The following DOCK9 variants were observed in gnomAD, a reference collection of about 807,000 sequenced individuals.
DOCK9 encodes the protein dedicator of cytokinesis protein 9.
In DOCK9, 89 loss-of-function variants were observed where a neutral mutation model predicts 263.3. The observed-to-expected ratio is 0.34, with a 90% CI of 0.28 to 0.40. The LOEUF is 0.40. Among genes scored for constraint, DOCK9 ranks in the 10% least tolerant of loss-of-function variants. The pLI is 1.00. For missense variants in DOCK9, 2,140 were observed against 2,603.4 expected (o/e 0.82, Z 3.87); for synonymous variants, 976 against 973.1 (o/e 1.00, Z -0.06).
intron 1 of DOCK9, among the ~76,000 whole-genome samples, chr13:99,020,731 C>A (rs540875896): frequency 6.6e-6 from 1 of 152,282 alleles, no homozygotes; most frequent in South Asian, 2.1e-4. Flanking sequence ...GAACTATAAA[C>A]TGGAATTAAT....
chr13:98,838,024 AC>A (rs886385368), intron 38 of DOCK9, among the ~76,000 whole-genome samples: 2 of 152,218 alleles, frequency 1.3e-5, no homozygotes, highest in African/African-American at 4.8e-5. Context: ...CAGGTAGTAA[AC>A]AGTGGAGACA....
chr13:99,051,160 G>A (rs187153901), intron 1 of DOCK9, among the ~76,000 whole-genome samples: 27 of 152,330 alleles, frequency 1.8e-4, no homozygotes, highest in African/African-American at 6.5e-4. Context: ...GGGGAGGGAA[G>A]GGGAGGTAAT....
chr13:99,038,814 A>C (rs538889419), intron 1 of DOCK9, among the ~76,000 whole-genome samples: 2 of 152,334 alleles, frequency 1.3e-5, no homozygotes, highest in East Asian at 3.9e-4. Flanking sequence ...AGTACCTAGA[A>C]GTTATTGAGC....
chr13:98,934,812 C>T (rs1205260663), intron 2 of DOCK9, among the ~76,000 whole-genome samples: 3 of 152,192 alleles, frequency 2.0e-5, no homozygotes, highest in Non-Finnish European at 4.4e-5. Flanking sequence ...AAACATTCTA[C>T]TGATCATTTA....
In DOCK9 at chr13:99,082,739, C is replaced by T. The variant is rs188884225; in HGVS notation, c.129+3484G>A. Among the ~76,000 whole-genome samples the T allele has an allele frequency of 2.6e-4, 40 of 152,152 alleles. No homozygotes were observed. The East Asian group carries it at 7.7e-3, about 29-fold the overall frequency. ...CGCCAGCCACTGCCTAAGAGCTTCACCCACATAGCTCAATTAATCCTTCCA... is the reference window on the plus strand; with the variant it reads ...CGCCAGCCACTGCCTAAGAGCTTCATCCACATAGCTCAATTAATCCTTCCA... On this transcript the variant is annotated intron_variant, in intron 1 of 32. Coordinates refer to the DOCK9 transcript ENST00000427887.
chr13:98,796,524 C>A (rs2089431744), intron 52 of DOCK9, among the ~76,000 whole-genome samples: 1 of 152,154 alleles, frequency 6.6e-6, no homozygotes, highest in Admixed American at 6.5e-5. Context: ...TCCTCTGTGA[C>A]AACTGAGCCC....
chr13:99,057,244 C>T (rs111398453), intron 1 of DOCK9, among the ~76,000 whole-genome samples: 32 of 152,216 alleles, frequency 2.1e-4, no homozygotes, highest in African/African-American at 6.7e-4. Context: ...TCACTTGCAA[C>T]CAAGAGTCCA....
At chr13:99,045,716 G>A (rs776961281) in intron 1 of DOCK9, among the ~76,000 whole-genome samples, 7 of 151,862 alleles carry the variant, frequency 4.6e-5, no homozygotes, top group Non-Finnish European at 8.8e-5. Flanking sequence ...CTAAATATAC[G>A]GAATTTTTGT....
At chr13:98,851,467 C>T (rs1396494977) in intron 35 of DOCK9, among the ~76,000 whole-genome samples, 1 of 152,184 alleles carries the variant, frequency 6.6e-6, no homozygotes, top group Non-Finnish European at 1.5e-5. Context: ...CCCTGCAGAC[C>T]CCTGTGGCCA....
intron 1 of DOCK9, among the ~76,000 whole-genome samples, chr13:99,067,409 A>T (rs1482128006): frequency 6.6e-6 from 1 of 152,232 alleles, no homozygotes; most frequent in South Asian, 2.1e-4. Context: ...AGGACACTGA[A>T]TCCTCTCCAA....
At chr13:98,843,295 T>TA in intron 38 of DOCK9, among the ~76,000 whole-genome samples, 1 of 152,308 alleles carries the variant, frequency 6.6e-6, no homozygotes, top group Middle Eastern at 3.4e-3. Context: ...GGATTTTTTT[T>TA]AAAGACATAT....
chr13:99,006,677 G>T (rs1407824959), intron 1 of DOCK9, among the ~76,000 whole-genome samples: 1 of 152,128 alleles, frequency 6.6e-6, no homozygotes, highest in Admixed American at 6.5e-5. Context: ...AGCAGTTTTG[G>T]TTTCTGGGCT....
chr13:98,948,382 T>G (rs2056985852), intron 2 of DOCK9, among the ~76,000 whole-genome samples: 1 of 152,192 alleles, frequency 6.6e-6, no homozygotes. Flanking sequence ...GCTAAGACAT[T>G]TATATAGGTA....
chr13:98,905,040 G>T (rs1190033088), intron 9 of DOCK9, among the ~76,000 whole-genome samples: 4 of 152,226 alleles, frequency 2.6e-5, no homozygotes, highest in Admixed American at 2.6e-4. Flanking sequence ...TTGGAATGAA[G>T]GGGCAGAATC....
At chr13:99,047,517 C>CTTTT (rs80048308) in intron 1 of DOCK9, among the ~76,000 whole-genome samples, 5 of 127,026 alleles carry the variant, frequency 3.9e-5, no homozygotes, top group Non-Finnish European at 6.6e-5. Context: ...GGTTCTAATC[C>CTTTT]TTTTTTTTTT....
chr13:98,921,071 A>G lies in DOCK9; in HGVS notation c.600T>C (p.Phe200=). ...SVTMRSFKRR[F]FHLIQLGDGS... ...CATCGCCAAGTTGAATCAGGTGGAA[A>G]AATCGTCTCTTAAATGACTGAGAGA... Residue 200 remains phenylalanine (F), a synonymous_variant, in exon 7 of 53, where the codon TTT becomes TTC. Transcript: ENST00000682017. The G allele has an allele frequency of 6.2e-7, 1 of 1,601,494 alleles. No individual in the cohort carries two copies. Among genetic ancestry groups the G allele is most frequent in the Non-Finnish European group, 8.5e-7 (1 of 1,173,610 alleles).
At chr13:98,932,401 C>CAAT (rs2054100870) in intron 2 of DOCK9, among the ~76,000 whole-genome samples, 1 of 94,658 alleles carries the variant, frequency 1.1e-5, no homozygotes, top group Non-Finnish European at 2.2e-5. Context: ...TCTCAAAAAA[C>CAAT]AACAACAAAC....
chr13:98,803,219 C>T (rs1423616571), intron 49 of DOCK9, among the ~76,000 whole-genome samples: 1 of 152,198 alleles, frequency 6.6e-6, no homozygotes, highest in Non-Finnish European at 1.5e-5. Context: ...CCCGCAGATA[C>T]AGAGCATTGC....
chr13:99,063,537 G>T (rs2041287957), intron 1 of DOCK9, among the ~76,000 whole-genome samples: 1 of 152,284 alleles, frequency 6.6e-6, no homozygotes, highest in Non-Finnish European at 1.5e-5. Flanking sequence ...GACACCCCTT[G>T]GTTTCTGGGG....
Sources: allele counts gnomAD v4.1 joint callset (sites outside exome capture counted in the v4.1 genomes callset), GRCh38; gene constraint gnomAD v4.1.1; transcripts MANE v1.5; gene names NCBI Gene and HGNC (gene_info 2026-07-23, HGNC 2026-07-21).